Variants in FGF14 observed in about 807,000 individuals in gnomAD.
FGF14 encodes the protein fibroblast growth factor 14, also known as fibroblast growth factor homologous factor 4.
FGF14 carries 5 observed loss-of-function variants against 25.5 expected under a neutral mutation model. The observed-to-expected ratio is 0.20, with a 90% CI of 0.10 to 0.41. FGF14 has a LOEUF of 0.41. Among genes scored for constraint, FGF14 ranks in the 10% least tolerant of loss-of-function variants. The probability of loss-of-function intolerance (pLI) is 1.00; values close to 1 mark genes in which losing one functional copy is unlikely to be tolerated. For missense variants in FGF14, 222 were observed against 320.1 expected (o/e 0.69, Z 2.34); for synonymous variants, 138 against 118.3 (o/e 1.17, Z -1.08).
At chr13:102,222,261 T>C (rs943410442) in intron 1 of FGF14, among the ~76,000 whole-genome samples, 1 of 152,238 alleles carries the variant, frequency 6.6e-6, no homozygotes, top group African/African-American at 2.4e-5. Context: ...ATGTGTATTA[T>C]ACTTAGTCTT....
At chr13:101,820,778 CCACA>C (rs869232661) in intron 3 of FGF14, among the ~76,000 whole-genome samples, 2,554 of 28,490 alleles carry the variant, frequency 0.09, 86 homozygotes, top group African/African-American at 0.18. Flanking sequence ...ACACCACACA[CCACA>C]CACACACACA....
intron 1 of FGF14, among the ~76,000 whole-genome samples, chr13:102,332,896 C>T (rs1471720495): frequency 1.3e-5 from 2 of 152,122 alleles, no homozygotes; most frequent in Non-Finnish European, 2.9e-5. Context: ...CAGTTACAAA[C>T]AAATCAGAAC....
Position 101,796,742 on chromosome 13 carries a change from G to A in FGF14, c.409-69932C>T, listed in dbSNP as rs187220222. Among the ~76,000 whole-genome samples, 420 of 152,016 alleles carry A rather than the reference G, an allele frequency of 2.8e-3. 2 individuals carry two copies. The highest frequency in any genetic ancestry group is 9.7e-3 in the African/African-American group (401 of 41,476). On this transcript the variant is annotated intron_variant, in intron 3 of 4. Coordinates refer to ENST00000376143, the MANE Select transcript of FGF14 (RefSeq NM_004115.4). ...AGGCCTCAGAAGAAACAATCCTGCCGGCACCTTGATTTCAGAATTCCAGCC... is the reference window on the plus strand; with the variant it reads ...AGGCCTCAGAAGAAACAATCCTGCCAGCACCTTGATTTCAGAATTCCAGCC...
At chr13:102,292,294 A>G (rs969209506) in intron 1 of FGF14, 2 of 150,352 alleles carry the variant, frequency 1.3e-5, no homozygotes, top group East Asian at 4.0e-4. Flanking sequence ...AAAAAAAAAA[A>G]AAAAAAAAAA....
chr13:102,139,416 A>T (rs2046543063), intron 1 of FGF14, among the ~76,000 whole-genome samples: 1 of 152,140 alleles, frequency 6.6e-6, no homozygotes, highest in Non-Finnish European at 1.5e-5. Context: ...GAAAAAAAAA[A>T]TAGAGAAATG....
At chr13:101,961,280 G>A (rs1457861472) in intron 1 of FGF14, among the ~76,000 whole-genome samples, 2 of 149,610 alleles carry the variant, frequency 1.3e-5, no homozygotes, top group Admixed American at 6.9e-5. Flanking sequence ...TGTCCTGAAT[G>A]GTACTGCCTA....
rs145828355 is a variant in FGF14, at chr13:102,117,781, A to G, written c.209-242485T>C. Reference sequence around the variant, plus strand: ...ATGGTGTGCAACATTTGGTAAGGACAGGGAAAAATAAGAAAAATATGTGTA... The same window carrying G: ...ATGGTGTGCAACATTTGGTAAGGACGGGGAAAAATAAGAAAAATATGTGTA... On this transcript the variant is annotated intron_variant, in intron 1 of 4. Transcript: ENST00000376131. Among the ~76,000 whole-genome samples the G allele has an allele frequency of 2.9e-3, 435 of 152,344 alleles. 1 individual carries two copies. The highest frequency in any genetic ancestry group is 9.6e-3 in the African/African-American group (400 of 41,578).
intron 1 of FGF14, among the ~76,000 whole-genome samples, chr13:102,009,273 T>A (rs2139789841): frequency 6.6e-6 from 1 of 152,236 alleles, no homozygotes; most frequent in Admixed American, 6.5e-5. Context: ...ATGTGAACAG[T>A]TTAGATGGGT....
At chr13:101,767,122 C>A (rs966209521) in intron 3 of FGF14, among the ~76,000 whole-genome samples, 4 of 152,236 alleles carry the variant, frequency 2.6e-5, no homozygotes, top group Non-Finnish European at 4.4e-5. Flanking sequence ...TTATCGTAGG[C>A]CTTTACATAT....
rs116699457 is a variant in FGF14, at chr13:102,139,899, G to T, written c.208+261572C>A. Among the ~76,000 whole-genome samples, 678 of 152,270 alleles carry T rather than the reference G, an allele frequency of 4.5e-3. 4 individuals are homozygous for T. Among genetic ancestry groups the T allele is most frequent in the African/African-American group, 0.015 (625 of 41,542 alleles). On this transcript the variant is annotated intron_variant, in intron 1 of 4. Coordinates refer to the FGF14 transcript ENST00000376131. Reference sequence around the variant, plus strand: ...CAGGAACGGCATGCCTTCCAGGGGTGCCTGATATACCAGATATTTTCATTG... The same window carrying T: ...CAGGAACGGCATGCCTTCCAGGGGTTCCTGATATACCAGATATTTTCATTG...
intron 1 of FGF14, among the ~76,000 whole-genome samples, chr13:102,215,065 A>AT (rs140122353): frequency 0.083 from 12,608 of 152,260 alleles, 797 homozygotes; most frequent in African/African-American, 0.17. Flanking sequence ...AAGGAGAAAC[A>AT]TATCACTATT....
Position 101,710,930 on chromosome 13 carries a change from T to C in FGF14, c.*11901A>G, listed in dbSNP as rs553614396. On this transcript the variant is annotated 3_prime_UTR_variant, in exon 5 of 5. Coordinates refer to ENST00000376143, the MANE Select transcript of FGF14 (RefSeq NM_004115.4). ...ATAACAGATGGAGTAGTTAGTACAA[T>C]AGTGAAAACTGCCTGCTGGGATGTC... The C allele has an allele frequency of 2.0e-5, 3 of 152,272 alleles. No individual in the cohort carries two copies. The South Asian group carries it at 6.2e-4, about 32-fold the overall frequency. 9.4% of individuals were successfully genotyped at this position (152,272 alleles called of 1,614,324 possible). A position where few individuals can be genotyped will look rare whatever the true frequency, so the allele number is the denominator to read the frequency against.
chr13:101,835,208 C>G (rs189726558), intron 3 of FGF14, among the ~76,000 whole-genome samples: 1 of 151,836 alleles, frequency 6.6e-6, no homozygotes, highest in Non-Finnish European at 1.5e-5. Context: ...TCTGCACAGC[C>G]TTTCAAGGTT....
rs1486553597 is a variant in FGF14, at chr13:102,199,936, C to A, written c.208+201535G>T. ...CTAGGCACATTACACTTTGGGGATG[C>A]ACCCTTGTCCTGGATTAAGAAAATA... On this transcript the variant is annotated intron_variant, in intron 1 of 4. Coordinates refer to the FGF14 transcript ENST00000376131. Among the ~76,000 whole-genome samples the A allele has an allele frequency of 3.3e-5, 5 of 152,300 alleles. No individual in the cohort carries two copies. In the East Asian group the frequency reaches 9.7e-4, roughly 29 times the overall value.
At chr13:102,247,771 C>T (rs888513595) in intron 1 of FGF14, among the ~76,000 whole-genome samples, 1 of 152,026 alleles carries the variant, frequency 6.6e-6, no homozygotes, top group African/African-American at 2.4e-5. Context: ...ATCGCTCTAC[C>T]ATAATGGCAC....
At chr13:101,994,636 G>A (rs377502507) in intron 1 of FGF14, among the ~76,000 whole-genome samples, 64 of 152,020 alleles carry the variant, frequency 4.2e-4, no homozygotes, top group African/African-American at 1.3e-3. Context: ...TTCATTTCCC[G>A]AGTAATATAA....
intron 3 of FGF14, among the ~76,000 whole-genome samples, chr13:101,759,095 G>A (rs545181247): frequency 1.8e-4 from 27 of 152,278 alleles, no homozygotes; most frequent in African/African-American, 4.8e-4. Flanking sequence ...CAGAGTTATC[G>A]TGAGTATTGT....
At chr13:101,933,464 C>T (rs2139259350) in intron 1 of FGF14, among the ~76,000 whole-genome samples, 1 of 152,244 alleles carries the variant, frequency 6.6e-6, no homozygotes, top group East Asian at 1.9e-4. Context: ...TGGTTCATGC[C>T]TGTAATTCCA....
intron 1 of FGF14, among the ~76,000 whole-genome samples, chr13:101,945,287 C>T (rs111886610): frequency 0.18 from 27,168 of 152,112 alleles, 3,260 homozygotes; most frequent in African/African-American, 0.32. Context: ...CATTGCACTC[C>T]AGCCTGGGCA....
Sources: gnomAD v4.1 joint callset for allele counts (sites outside exome capture counted in the v4.1 genomes callset) on GRCh38, gnomAD v4.1.1 for gene constraint, MANE v1.5 for transcripts, NCBI Gene and HGNC (gene_info 2026-07-23, HGNC 2026-07-21) for gene names.